The following FAM200B variants were observed in gnomAD, a reference collection of about 807,000 sequenced individuals.
The protein encoded by FAM200B is zinc finger BED-type containing 11, also known as protein FAM200B.
Under a neutral mutation model 33.1 loss-of-function variants are expected in FAM200B, and 32 were observed. That is an observed-to-expected ratio of 0.97 (90% confidence interval 0.73 to 1.30). FAM200B has a LOEUF of 1.30. Ranked by LOEUF, FAM200B falls within the 50% of genes most tolerant of loss-of-function variation. The probability of loss-of-function intolerance (pLI) is 0.00; values close to 1 mark genes in which losing one functional copy is unlikely to be tolerated. For synonymous variants in FAM200B, 240 were observed against 264.8 expected (o/e 0.91, Z 0.91); for missense variants, 741 against 754.0 (o/e 0.98, Z 0.20).
the FAM200B span, among the ~76,000 whole-genome samples, chr4:15,642,715 T>C: frequency 6.6e-6 from 1 of 152,224 alleles, no homozygotes; most frequent in East Asian, 1.9e-4. Flanking sequence ...TATATGCTAA[T>C]AATAACTATC....
the FAM200B span, chr4:15,641,023 A>C: frequency 6.1e-6 from 3 of 487,946 alleles, no homozygotes; most frequent in Non-Finnish European, 1.1e-5. Flanking sequence ...TGTACTTTTA[A>C]CATAAAAGAT....
chr4:15,666,578 T>C, the FAM200B span, among the ~76,000 whole-genome samples: 1 of 152,138 alleles, frequency 6.6e-6, no homozygotes, highest in Admixed American at 6.5e-5. Context: ...TTGAGATCTA[T>C]TGGACAGCAG....
chr4:15,688,042 T>G lies in FAM200B; in HGVS notation c.1065T>G (p.Phe355Leu). The G allele has an allele frequency of 6.4e-7, 1 of 1,551,190 alleles. No individual in the cohort carries two copies. The highest frequency in any genetic ancestry group is 2.0e-5 in the Admixed American group (1 of 50,986). The change falls in exon 2 of 2, where the codon TTT becomes TTG. Residue 355 changes from phenylalanine (F) to leucine (L), a missense_variant. Transcript: ENST00000422728. ...AAAATGCAGTGAAAGTTGTTAATTT[T>G]ATTAAAGGAAGCTCATTGAATAGCC... Reference protein sequence around the residue: ...VLKNAVKVVNFIKGSSLNSRL... With the variant: ...VLKNAVKVVNLIKGSSLNSRL...
chr4:15,663,518 CAG>C, the FAM200B span, among the ~76,000 whole-genome samples: 4 of 152,174 alleles, frequency 2.6e-5, no homozygotes, highest in Middle Eastern at 3.2e-3. Flanking sequence ...CAGGGTAAAA[CAG>C]AACCTCTTTT....
the FAM200B span, among the ~76,000 whole-genome samples, chr4:15,673,358 C>T: frequency 0.29 from 43,422 of 151,884 alleles, 6,449 homozygotes; most frequent in East Asian, 0.47. Flanking sequence ...GGAGGATCAC[C>T]AGAGCCCAGA....
the FAM200B span, among the ~76,000 whole-genome samples, chr4:15,674,602 A>G: frequency 6.6e-6 from 1 of 151,704 alleles, no homozygotes; most frequent in African/African-American, 2.4e-5. Flanking sequence ...TTTTCTCCTT[A>G]TCAACTCATT....
the FAM200B span, among the ~76,000 whole-genome samples, chr4:15,661,923 G>A: frequency 6.6e-6 from 1 of 152,182 alleles, no homozygotes. Context: ...CTCATAGGCT[G>A]TTAGAATAAG....
the FAM200B span, among the ~76,000 whole-genome samples, chr4:15,660,089 T>A: frequency 1.3e-5 from 2 of 152,064 alleles, no homozygotes; most frequent in Non-Finnish European, 1.5e-5. Context: ...GACATTTTTT[T>A]TTTTTTTTAA....
At chr4:15,671,580 G>GT in the FAM200B span, among the ~76,000 whole-genome samples, 16 of 151,994 alleles carry the variant, frequency 1.1e-4, no homozygotes, top group Non-Finnish European at 7.4e-5. Context: ...GGGTGGTGTG[G>GT]TTTTTTTATG....
At chr4:15,655,769 C>T in the FAM200B span, among the ~76,000 whole-genome samples, 2 of 152,182 alleles carry the variant, frequency 1.3e-5, no homozygotes, top group Admixed American at 1.3e-4. Context: ...GCCTGGGTGA[C>T]CAATGCTTCT....
chr4:15,645,824 TATC>T, the FAM200B span, among the ~76,000 whole-genome samples: 2 of 152,208 alleles, frequency 1.3e-5, no homozygotes, highest in Non-Finnish European at 2.9e-5. Context: ...CATTAGCTAT[TATC>T]ATTTTGAAAA....
At chr4:15,649,777 T>C in the FAM200B span, among the ~76,000 whole-genome samples, 3 of 152,220 alleles carry the variant, frequency 2.0e-5, no homozygotes, top group Middle Eastern at 3.4e-3. Context: ...ATTACCCTAG[T>C]GTTTTTATAT....
rs2148861489 is a variant in FAM200B, at chr4:15,686,239, A to T, written c.-739A>T. 1 of 152,286 alleles carries T rather than the reference A, an allele frequency of 6.6e-6. No individual in the cohort carries two copies. The highest frequency in any genetic ancestry group is 1.5e-5 in the Non-Finnish European group (1 of 68,012). 9.4% of individuals were successfully genotyped at this position (152,286 alleles called of 1,614,324 possible). On this transcript the variant is annotated 5_prime_UTR_variant, in exon 2 of 2. Coordinates refer to ENST00000422728, the MANE Select transcript of FAM200B (RefSeq NM_001145191.2). Reference sequence around the variant, plus strand: ...TTATCTCTGGTCTTATTCCCAGGTCAAGGATGCATTCCAGGAAAGTTCTAT... The same window carrying T: ...TTATCTCTGGTCTTATTCCCAGGTCTAGGATGCATTCCAGGAAAGTTCTAT...
the FAM200B span, among the ~76,000 whole-genome samples, chr4:15,666,936 A>T: frequency 6.6e-6 from 1 of 152,168 alleles, no homozygotes; most frequent in Non-Finnish European, 1.5e-5. Context: ...ATCATTCCAC[A>T]TTGTAGACAT....
In FAM200B at chr4:15,687,524, T is replaced by C. The variant is rs930546445; in HGVS notation, c.547T>C (p.Phe183Leu). 9 of 1,550,822 alleles carry C rather than the reference T, an allele frequency of 5.8e-6. No individual in the cohort carries two copies. In the East Asian group the frequency reaches 1.5e-4, roughly 25 times the overall value. Residue 183 changes from phenylalanine (F) to leucine (L), a missense_variant, in exon 2 of 2, where the codon TTT becomes CTT. Transcript: ENST00000422728. The part of the protein sequence containing the change: ...PACLDMVRTI[F>L]DDKSADKLKT... ...ATGTTTGGATATGGTGCGTACAATA[T>C]TTGATGATAAATCAGCTGATAAATT...
At chr4:15,638,734 T>C in the FAM200B span, 1 of 1,290,128 alleles carries the variant, frequency 7.8e-7, no homozygotes, top group Non-Finnish European at 1.1e-6. Context: ...GATGCTTCAT[T>C]CGTGTTGATT....
At chr4:15,661,632 C>CT in the FAM200B span, among the ~76,000 whole-genome samples, 2 of 151,980 alleles carry the variant, frequency 1.3e-5, no homozygotes, top group Non-Finnish European at 2.9e-5. Context: ...AAGATGGGGT[C>CT]TTTTTTTTCT....
At chr4:15,666,304 T>C in the FAM200B span, among the ~76,000 whole-genome samples, 2 of 150,676 alleles carry the variant, frequency 1.3e-5, no homozygotes, top group Non-Finnish European at 3.0e-5. Context: ...GAGGCTGAGG[T>C]GGGAAGATTG....
the FAM200B span, among the ~76,000 whole-genome samples, chr4:15,669,815 A>C: frequency 6.6e-6 from 1 of 152,138 alleles, no homozygotes; most frequent in Non-Finnish European, 1.5e-5. Context: ...AATACCACAT[A>C]TTTTACTGAT....
Sources: gnomAD v4.1 joint callset for allele counts (sites outside exome capture counted in the v4.1 genomes callset) on GRCh38, gnomAD v4.1.1 for gene constraint, MANE v1.5 for transcripts, NCBI Gene and HGNC (gene_info 2026-07-23, HGNC 2026-07-21) for gene names.